Variants in ADGRV1 observed in about 807,000 individuals in gnomAD.
The protein encoded by ADGRV1 is G-protein coupled receptor 98.
In ADGRV1, 359 loss-of-function variants were observed where a neutral mutation model predicts 596.2. That is an observed-to-expected ratio of 0.60 (90% confidence interval 0.55 to 0.66). The LOEUF is 0.66. Among genes scored for constraint, ADGRV1 ranks in the 30% least tolerant of loss-of-function variants. The probability of loss-of-function intolerance (pLI) is 0.00; values close to 1 mark genes in which losing one functional copy is unlikely to be tolerated. For missense variants in ADGRV1, 7,274 were observed against 7,575.6 expected (o/e 0.96, Z 1.48); for synonymous variants, 2,681 against 2,679.2 (o/e 1.00, Z -0.02).
At chr5:91,083,442 T>A (rs908630189) in intron 86 of ADGRV1, among the ~76,000 whole-genome samples, 1 of 152,200 alleles carries the variant, frequency 6.6e-6, no homozygotes, top group Non-Finnish European at 1.5e-5. Flanking sequence ...GATCTAATGC[T>A]GTACTCAACA....
intron 83 of ADGRV1, among the ~76,000 whole-genome samples, chr5:90,892,050 A>G (rs1378050608): frequency 6.6e-6 from 1 of 151,978 alleles, no homozygotes; most frequent in East Asian, 1.9e-4. Flanking sequence ...GAAAAAATTG[A>G]CTAGAACTCT....
chr5:90,633,883 A>T (rs1227216368), intron 9 of ADGRV1, among the ~76,000 whole-genome samples: 2 of 152,146 alleles, frequency 1.3e-5, no homozygotes, highest in Non-Finnish European at 2.9e-5. Context: ...AAAATGTGTG[A>T]CATTTAAAAA....
chr5:91,065,602 T>G (rs1787817119), intron 85 of ADGRV1, among the ~76,000 whole-genome samples: 1 of 152,224 alleles, frequency 6.6e-6, no homozygotes, highest in Non-Finnish European at 1.5e-5. Context: ...CCTCTGCCTC[T>G]GAGTTCCTTC....
intron 83 of ADGRV1, among the ~76,000 whole-genome samples, chr5:90,924,344 C>T (rs1326079251): frequency 1.3e-5 from 2 of 151,906 alleles, no homozygotes; most frequent in African/African-American, 2.4e-5. Flanking sequence ...GAGATGGTAT[C>T]TCATTGTGGT....
intron 83 of ADGRV1, among the ~76,000 whole-genome samples, chr5:90,918,346 T>C (rs148697506): frequency 3.3e-5 from 5 of 152,298 alleles, no homozygotes; most frequent in East Asian, 3.9e-4. Context: ...AGAGAAATGA[T>C]CCAAACATCT....
At chr5:90,898,364 G>T (rs956308346) in intron 83 of ADGRV1, among the ~76,000 whole-genome samples, 2 of 152,064 alleles carry the variant, frequency 1.3e-5, no homozygotes, top group Admixed American at 6.6e-5. Context: ...CCATTGTTTG[G>T]TCTTCAGTGC....
At chr5:90,564,838 G>A (rs1245782916) in intron 1 of ADGRV1, among the ~76,000 whole-genome samples, 1 of 102,392 alleles carries the variant, frequency 9.8e-6, no homozygotes, top group African/African-American at 4.5e-5. Flanking sequence ...GTGTTAGCCA[G>A]GATGGTCTCG....
At chr5:90,630,358 G>A (rs1283893585) in intron 9 of ADGRV1, 1 of 152,124 alleles carries the variant, frequency 6.6e-6, no homozygotes, top group African/African-American at 2.4e-5. Context: ...TCTTTGTCTA[G>A]GTAGACTCTC....
At chr5:90,903,059 CA>C (rs1771996302) in intron 83 of ADGRV1, among the ~76,000 whole-genome samples, 1 of 152,030 alleles carries the variant, frequency 6.6e-6, no homozygotes, top group African/African-American at 2.4e-5. Context: ...CCATGTGTAG[CA>C]AAAGGAATTA....
intron 83 of ADGRV1, among the ~76,000 whole-genome samples, chr5:90,918,066 A>G (rs1773542702): frequency 6.6e-6 from 1 of 152,074 alleles, no homozygotes; most frequent in Admixed American, 6.6e-5. Context: ...AAGAGCAGAA[A>G]CTGGAATTTG....
At chr5:90,596,248 C>T (rs1441205766) in intron 1 of ADGRV1, among the ~76,000 whole-genome samples, 6 of 150,972 alleles carry the variant, frequency 4.0e-5, no homozygotes, top group African/African-American at 1.2e-4. Flanking sequence ...CGGGAAGAGG[C>T]GCTCCTCACT....
At chr5:90,647,908 G>T in intron 17 of ADGRV1, 144 bp downstream of exon 17, 1 of 691,904 alleles carries the variant, frequency 1.4e-6, no homozygotes, top group Non-Finnish European at 2.4e-6. Context: ...TTGCTTTCTT[G>T]AGAAATGGGG....
chr5:90,676,057 T>C, intron 24 of ADGRV1, 23 bp from the exon 25 acceptor site: 2 of 1,568,428 alleles, frequency 1.3e-6, no homozygotes, highest in South Asian at 1.2e-5. Flanking sequence ...TGTAATCTAA[T>C]GGATCAGTCT....
At chr5:91,019,144 T>C (rs1351195999) in intron 85 of ADGRV1, among the ~76,000 whole-genome samples, 1 of 151,964 alleles carries the variant, frequency 6.6e-6, no homozygotes, top group Non-Finnish European at 1.5e-5. Context: ...GCAGATAACA[T>C]TGATTATCCA....
intron 1 of ADGRV1, among the ~76,000 whole-genome samples, chr5:90,595,603 G>T (rs570870330): frequency 5.3e-5 from 7 of 131,484 alleles, no homozygotes; most frequent in Admixed American, 7.1e-5. Flanking sequence ...GCGGCTGGCC[G>T]GGCGGGGGGC....
chr5:90,912,779 A>G (rs1581492099), intron 83 of ADGRV1, among the ~76,000 whole-genome samples: 1 of 152,182 alleles, frequency 6.6e-6, no homozygotes, highest in Admixed American at 6.6e-5. Flanking sequence ...AAAGTATCCC[A>G]TGGTGTAGAA....
At chr5:90,938,132 T>C (rs944663995) in intron 83 of ADGRV1, among the ~76,000 whole-genome samples, 3 of 152,198 alleles carry the variant, frequency 2.0e-5, no homozygotes, top group Admixed American at 2.0e-4. Flanking sequence ...GAGTGGACTT[T>C]CCTGCTTGAA....
At chr5:90,831,399 C>T (rs1764517021) in intron 77 of ADGRV1, among the ~76,000 whole-genome samples, 1 of 151,830 alleles carries the variant, frequency 6.6e-6, no homozygotes, top group Non-Finnish European at 1.5e-5. Context: ...TGTGGCAGTG[C>T]ATTAATACCA....
intron 89 of ADGRV1, among the ~76,000 whole-genome samples, chr5:91,162,497 C>T (rs1011568331): frequency 1.3e-5 from 2 of 152,082 alleles, no homozygotes; most frequent in Admixed American, 1.3e-4. Flanking sequence ...GGAGAGAGTG[C>T]AGGCAAGAGG....
Sources: gnomAD v4.1 joint callset for allele counts (sites outside exome capture counted in the v4.1 genomes callset) on GRCh38, gnomAD v4.1.1 for gene constraint, MANE v1.5 for transcripts, NCBI Gene and HGNC (gene_info 2026-07-23, HGNC 2026-07-21) for gene names.